NME1: variants seen among roughly 807,000 people sequenced by gnomAD.
NME1 encodes the protein NME/NM23 nucleoside diphosphate kinase 1.
NME1 carries 9 observed loss-of-function variants against 17.2 expected under a neutral mutation model. That is an observed-to-expected ratio of 0.52 (90% confidence interval 0.32 to 0.92). The LOEUF (loss-of-function observed/expected upper bound fraction) is 0.92, where lower values mean the gene tolerates loss of function less well. Among genes scored for constraint, NME1 ranks in the 40% least tolerant of loss-of-function variants. The pLI is 0.04. For synonymous variants in NME1, 72 were observed against 70.8 expected (o/e 1.02, Z -0.09); for missense variants, 169 against 201.7 (o/e 0.84, Z 0.98).
intron 3 of NME1, chr17:51,160,460 G>C (rs1411132864): frequency 1.6e-5 from 6 of 370,296 alleles, no homozygotes; most frequent in South Asian, 1.1e-4. Flanking sequence ...TACGGGAGGA[G>C]AGTTGAAATG....
At chr17:51,153,874 T>C (rs1268292158) in intron 1 of NME1, 2 of 166,822 alleles carry the variant, frequency 1.2e-5, no homozygotes, top group Admixed American at 1.1e-4. Context: ...TGGCCGCCTT[T>C]CTCGTCAGGC....
chr17:51,154,495 T>C (rs1210917142), intron 1 of NME1: 1 of 1,498,030 alleles, frequency 6.7e-7, no homozygotes, highest in African/African-American at 1.4e-5. Flanking sequence ...GACGGAATAG[T>C]TACTCTCTAG....
At chr17:51,156,892 C>CAAAA (rs71355724) in intron 2 of NME1, among the ~76,000 whole-genome samples, 1 of 86,916 alleles carries the variant, frequency 1.2e-5, no homozygotes, top group Non-Finnish European at 2.2e-5. Flanking sequence ...ACTCCATCTC[C>CAAAA]AAAAAAAAAA....
chr17:51,156,060 G>C, intron 2 of NME1: 4 of 377,426 alleles, frequency 1.1e-5, no homozygotes, highest in South Asian at 8.6e-5. Flanking sequence ...TGTAATTTCT[G>C]ACTGAGAGCT....
In NME1 at chr17:51,159,960, T is replaced by G; in HGVS notation, c.127-20T>G. 1 of 1,613,800 alleles carries G rather than the reference T, an allele frequency of 6.2e-7. No homozygotes were observed. The highest frequency in any genetic ancestry group is 8.5e-7 in the Non-Finnish European group (1 of 1,179,724). On this transcript the variant is annotated intron_variant, in intron 2 of 4. Transcript: ENST00000393196. ...TTAGATGGTTTGGGGGTTATTCTCA[T>G]TCTCTGTCCTGTTGAATAGGCTTCC...
At chr17:51,154,325 GATGC>G (rs1568119510) in intron 1 of NME1, 2 of 1,561,118 alleles carry the variant, frequency 1.3e-6, no homozygotes, top group Non-Finnish European at 8.8e-7. Flanking sequence ...ACAGTGCTAA[GATGC>G]TGTAAGAAGA....
At position 51,159,960 on chromosome 17, in the gene NME1, T is replaced by C. The variant is rs1460797784; in HGVS notation, c.127-20T>C. ...TTAGATGGTTTGGGGGTTATTCTCA[T>C]TCTCTGTCCTGTTGAATAGGCTTCC... On this transcript the variant is annotated intron_variant, in intron 2 of 4. Coordinates refer to ENST00000393196, the MANE Select transcript of NME1 (RefSeq NM_000269.3). The C allele has an allele frequency of 5.6e-6, 9 of 1,613,682 alleles. No homozygotes were observed. The highest frequency in any genetic ancestry group is 7.6e-6 in the Non-Finnish European group (9 of 1,179,732).
Position 51,160,083 on chromosome 17 carries a change from T to C in NME1, c.228+2T>C. 1 of 1,614,132 alleles carries C rather than the reference T, an allele frequency of 6.2e-7. No individual in the cohort carries two copies. Among genetic ancestry groups the C allele is most frequent in the East Asian group, 2.2e-5 (1 of 44,890 alleles). On this transcript the variant is annotated splice_donor_variant, in intron 3 of 4. Transcript: ENST00000393196. LOFTEE classifies it high-confidence loss of function. ...CACTCAGGGCCGGTAGTTGCCATGGTGAGTGTGCCTGTGTGGGATACTCCA... is the reference window on the plus strand; with the variant it reads ...CACTCAGGGCCGGTAGTTGCCATGGCGAGTGTGCCTGTGTGGGATACTCCA...
chr17:51,155,582 G>A lies in NME1; in HGVS notation c.-4-69G>A. ...TTAAACCAGCTTTATGGGATAATCCGCTTGAGACGGATGACGCTGTAGGCA... is the reference window on the plus strand; with the variant it reads ...TTAAACCAGCTTTATGGGATAATCCACTTGAGACGGATGACGCTGTAGGCA... On this transcript the variant is annotated intron_variant, in intron 1 of 4. Coordinates refer to ENST00000393196, the MANE Select transcript of NME1 (RefSeq NM_000269.3). 1.6e-5 allele frequency: 26 copies of A among 1,600,286 alleles called. 1 individual carries two copies. Among genetic ancestry groups the A allele is most frequent in the South Asian group, 6.7e-5 (6 of 89,926 alleles).
At chr17:51,159,225 T>C (rs1284429222) in intron 2 of NME1, among the ~76,000 whole-genome samples, 6 of 151,674 alleles carry the variant, frequency 4.0e-5, no homozygotes, top group Non-Finnish European at 8.8e-5. Context: ...AGGCGGAGGC[T>C]GGAGGATCAC....
chr17:51,157,071 A>G (rs2049798665), intron 2 of NME1, among the ~76,000 whole-genome samples: 1 of 152,028 alleles, frequency 6.6e-6, no homozygotes, highest in Non-Finnish European at 1.5e-5. Flanking sequence ...AAGGGAATCA[A>G]TTTTGGACCC....
intron 2 of NME1, among the ~76,000 whole-genome samples, chr17:51,158,692 G>C (rs1227380263): frequency 6.6e-6 from 1 of 152,184 alleles, no homozygotes; most frequent in African/African-American, 2.4e-5. Context: ...CTCCACATCT[G>C]TGTGTGTCTC....
intron 2 of NME1, 54 bp downstream of exon 2, chr17:51,155,834 T>C (rs1313865591): frequency 3.7e-6 from 6 of 1,607,710 alleles, no homozygotes; most frequent in South Asian, 2.2e-5. Context: ...AGGAGAACAC[T>C]GTGATTAACC....
chr17:51,156,997 C>G (rs2049797119), intron 2 of NME1, among the ~76,000 whole-genome samples: 1 of 126,908 alleles, frequency 7.9e-6, no homozygotes, highest in African/African-American at 2.8e-5. Flanking sequence ...GAGGGAGACT[C>G]TGTCTCAAAA....
At chr17:51,160,737 G>T (rs1043189435) in intron 3 of NME1, 19 of 325,656 alleles carry the variant, frequency 5.8e-5, no homozygotes, top group Non-Finnish European at 6.4e-5. Context: ...AGCCTCCTGA[G>T]TAGCTGGGAC....
chr17:51,157,208 AAAAAAAAAG>A (rs1426989357), intron 2 of NME1, among the ~76,000 whole-genome samples: 2 of 151,266 alleles, frequency 1.3e-5, no homozygotes, highest in East Asian at 1.9e-4. Flanking sequence ...CTCCGTCTCC[AAAAAAAAAG>A]AAAAAAAAGA....
chr17:51,157,070 A>C (rs937055747), intron 2 of NME1, among the ~76,000 whole-genome samples: 1 of 152,000 alleles, frequency 6.6e-6, no homozygotes, highest in African/African-American at 2.4e-5. Flanking sequence ...AAAGGGAATC[A>C]ATTTTGGACC....
chr17:51,159,256 C>A (rs2049830219), intron 2 of NME1, among the ~76,000 whole-genome samples: 2 of 150,928 alleles, frequency 1.3e-5, no homozygotes, highest in Non-Finnish European at 3.0e-5. Flanking sequence ...GAGTTTGAGA[C>A]CAGCCTGGGC....
At position 51,153,594 on chromosome 17, in the gene NME1, A is replaced by G. The variant is rs1222048622; in HGVS notation, c.-73A>G. The G allele has an allele frequency of 2.0e-5, 3 of 152,622 alleles. No individual in the cohort carries two copies. The East Asian group carries it at 5.8e-4, about 29-fold the overall frequency. 9.5% of individuals were successfully genotyped at this position (152,622 alleles called of 1,614,324 possible). On this transcript the variant is annotated 5_prime_UTR_variant, in exon 1 of 5. Transcript: ENST00000393196. ...TCCGTGCGTGCAAGTGCTGCGAACC[A>G]CGTGGGTCCCGGGCGCGTTTCGGGT...
Sources: gnomAD v4.1 joint callset for allele counts (sites outside exome capture counted in the v4.1 genomes callset) on GRCh38, gnomAD v4.1.1 for gene constraint, MANE v1.5 for transcripts, NCBI Gene and HGNC (gene_info 2026-07-23, HGNC 2026-07-21) for gene names.